The following UBALD1 variants were observed in gnomAD, a reference collection of about 807,000 sequenced individuals.
UBALD1 encodes the protein UBA-like domain-containing protein 1.
UBALD1 carries 5 observed loss-of-function variants against 16.1 expected under a neutral mutation model. The observed-to-expected ratio is 0.31, with a 90% CI of 0.16 to 0.66. The LOEUF is 0.66. Among genes scored for constraint, UBALD1 ranks in the 30% least tolerant of loss-of-function variants. UBALD1 has a pLI of 0.77. For synonymous variants in UBALD1, 146 were observed against 105.3 expected (o/e 1.39, Z -2.37); for missense variants, 220 against 252.8 (o/e 0.87, Z 0.88).
At chr16:4,611,250 G>A (rs771710329) in intron 1 of UBALD1, 1 of 152,638 alleles carries the variant, frequency 6.6e-6, no homozygotes, top group Non-Finnish European at 1.5e-5. Context: ...CTGGCACCAA[G>A]GAGACAAGCC....
chr16:4,612,828 C>A (rs968909742), intron 1 of UBALD1, among the ~76,000 whole-genome samples: 1 of 152,116 alleles, frequency 6.6e-6, no homozygotes, highest in Non-Finnish European at 1.5e-5. Context: ...CTGGCGGCCC[C>A]CACTTTACAG....
intron 1 of UBALD1, among the ~76,000 whole-genome samples, chr16:4,613,383 G>C (rs1203064738): frequency 6.6e-6 from 1 of 152,200 alleles, no homozygotes; most frequent in Non-Finnish European, 1.5e-5. Context: ...CACAGGATCA[G>C]TGGCCTCCGC....
At chr16:4,610,577 C>G in intron 1 of UBALD1, 22 bp from the exon 2 acceptor site, 7 of 1,601,756 alleles carry the variant, frequency 4.4e-6, no homozygotes, top group Non-Finnish European at 6.0e-6. Flanking sequence ...AAGGCCCCTG[C>G]TCACCCTCCA....
rs1555442486 is a variant in UBALD1 at position 4,614,835 on chromosome 16, G to T, written c.-38C>A. 1 of 1,457,728 alleles carries T rather than the reference G, an allele frequency of 6.9e-7. No individual in the cohort carries two copies. The highest frequency in any genetic ancestry group is 9.1e-7 in the Non-Finnish European group (1 of 1,104,056). The allele number at this position is 1,457,728 out of a possible 1,614,324, so 90.3% of individuals were successfully genotyped here. On this transcript the variant is annotated 5_prime_UTR_variant, in exon 1 of 3. Coordinates refer to ENST00000283474, the MANE Select transcript of UBALD1 (RefSeq NM_145253.3). ...CTGCCCGCTCCGGCCTCCCTCCTCC[G>T]CCCGCGCCTCCGCCTCACGCGTCCA...
intron 1 of UBALD1, chr16:4,610,908 C>T (rs542732761): frequency 2.1e-5 from 9 of 419,440 alleles, no homozygotes; most frequent in Admixed American, 4.1e-5. Context: ...GAAAGGCGCC[C>T]GGCCCCAGGT....
chr16:4,610,313 G>C (rs760690161), intron 2 of UBALD1, 180 bp downstream of exon 2: 2 of 730,196 alleles, frequency 2.7e-6, no homozygotes, highest in Middle Eastern at 2.3e-4. Context: ...GGGGGAGCTG[G>C]CACAGGCAAG....
chr16:4,609,535 A>G lies in UBALD1; in HGVS notation c.*98T>C, dbSNP rs1434980446. 2.0e-6 allele frequency: 1 copy of G among 509,986 alleles called. No homozygotes were observed. Among genetic ancestry groups the G allele is most frequent in the Non-Finnish European group, 3.2e-6 (1 of 316,874 alleles). The allele number at this position is 509,986 out of a possible 1,614,324, so 31.6% of individuals were successfully genotyped here. A position where few individuals can be genotyped will look rare whatever the true frequency, so the allele number is the denominator to read the frequency against. On this transcript the variant is annotated 3_prime_UTR_variant, in exon 3 of 3. Coordinates refer to ENST00000283474, the MANE Select transcript of UBALD1 (RefSeq NM_145253.3). ...TCTCCCCTCCAGGGCTCCGGGGAAC[A>G]AGGGGTGCAGACAGAAAAGGGGTGA...
intron 1 of UBALD1, chr16:4,610,979 CCTCAACGGGTAGCAAGT>C (rs895964546): frequency 5.3e-6 from 2 of 377,168 alleles, no homozygotes; most frequent in Non-Finnish European, 9.4e-6. Context: ...GCTGTTACCA[CCTCAACGGGTAGCAAGT>C]CTCTACTCTT....
chr16:4,610,123 C>T (rs1267208507), intron 2 of UBALD1, 140 bp from the exon 3 acceptor site: 4 of 777,666 alleles, frequency 5.1e-6, no homozygotes, highest in Non-Finnish European at 8.8e-6. Context: ...CTGTCCGCCG[C>T]CCAGGGGTTC....
intron 2 of UBALD1, chr16:4,610,201 C>T (rs764572347): frequency 2.1e-5 from 15 of 711,950 alleles, no homozygotes; most frequent in Admixed American, 6.0e-5. Flanking sequence ...CCTGGGGCCA[C>T]GAGGCTTTCC....
Position 4,610,521 on chromosome 16 carries a change from A to C in UBALD1, c.155T>G (p.Ile52Ser). The change falls in exon 2 of 3, where the codon ATC becomes AGC. Residue 52 changes from isoleucine (I) to serine (S), a missense_variant. By Grantham distance (142) the Ile-to-Ser change is moderately radical. This residue lies in a region of UBALD1 where 69 missense variants were observed against 120.3 expected (regional missense o/e 0.57). Transcript: ENST00000283474. ...ALSAFFQETN[I>S]PYSHHHHQMM... is the part of the protein sequence containing the mutation. ...CTGGTGGTGATGGTGGCTGTAGGGG[A>C]TGTTGGTCTCCTGGAAAAAGGCGCT... The C allele has an allele frequency of 6.2e-7, 1 of 1,612,190 alleles. No homozygotes were observed. The highest frequency in any genetic ancestry group is 8.5e-7 in the Non-Finnish European group (1 of 1,179,162).
At chr16:4,610,800 C>G (rs2141784115) in intron 1 of UBALD1, 1 of 526,856 alleles carries the variant, frequency 1.9e-6, no homozygotes, top group Non-Finnish European at 3.4e-6. Context: ...CTGCTCGCCA[C>G]CTGCCTCAGT....
rs780400582 is a variant in UBALD1 at position 4,609,715 on chromosome 16, G to A, written c.452C>T (p.Pro151Leu). ...GGCCAGGGGTGGCCAGTCTGAAGCC[G>A]GAGAAGGGGGTGTTGGAGTCCACAG... The part of the protein sequence containing the change: ...PPLWTPTPPS[P>L]ASDWPPLAPQ... Residue 151 changes from proline (P) to leucine (L), a missense_variant, in exon 3 of 3, where the codon CCG (proline) becomes CTG (leucine). Pro to Leu is a moderately conservative substitution (Grantham distance 98). This residue lies in a region of UBALD1 where 151 missense variants were observed against 132.6 expected (regional missense o/e 1.14). Transcript: ENST00000283474. 1.8e-5 allele frequency: 27 copies of A among 1,478,368 alleles called. No individual in the cohort carries two copies. Among genetic ancestry groups the A allele is most frequent in the East Asian group, 4.9e-5 (2 of 40,452 alleles). The allele number at this position is 1,478,368 out of a possible 1,614,324, so 91.6% of individuals were successfully genotyped here.
intron 2 of UBALD1, chr16:4,610,261 A>T (rs1259039395): frequency 1.4e-6 from 1 of 713,556 alleles, no homozygotes; most frequent in Non-Finnish European, 2.5e-6. Flanking sequence ...CTGTAGGGTA[A>T]GGAGCTTCAT....
chr16:4,614,441 A>G, intron 1 of UBALD1: 4 of 509,674 alleles, frequency 7.8e-6, no homozygotes, highest in South Asian at 4.6e-5. Context: ...ATCCCGGGGG[A>G]CTCGCGGCCC....
In UBALD1 at chr16:4,609,567, C is replaced by A. The variant is rs1167525763; in HGVS notation, c.*66G>T. The A allele has an allele frequency of 1.3e-5, 9 of 678,732 alleles. No homozygotes were observed. The highest frequency in any genetic ancestry group is 1.9e-5 in the African/African-American group (1 of 53,868). The allele number at this position is 678,732 out of a possible 1,614,324, so 42.0% of individuals were successfully genotyped here. ...GCAGACAGAAAAGGGGTGAAGGGGG[C>A]CCGCAGAGACGTCCTCTCCCCCGCC... On this transcript the variant is annotated 3_prime_UTR_variant, in exon 3 of 3. Coordinates refer to ENST00000283474, the MANE Select transcript of UBALD1 (RefSeq NM_145253.3).
Position 4,609,852 on chromosome 16 carries a change from C to T in UBALD1, c.315G>A (p.Thr105=), listed in dbSNP as rs768473651. ...CATGGGGGAAGTGTGGCGGGGGTGA[C>T]GTGGCTGTCGCGGCCATCGGGCTGC... ...GSGSPMAATA[T]SPPPHFPHAA... The change falls in exon 3 of 3, where the codon ACG becomes ACA. Residue 105 remains threonine (T), a synonymous_variant. Transcript: ENST00000283474. The T allele has an allele frequency of 1.2e-4, 188 of 1,511,572 alleles. No individual in the cohort carries two copies. The highest frequency in any genetic ancestry group is 1.6e-4 in the Non-Finnish European group (180 of 1,129,530). 93.6% of individuals were successfully genotyped at this position (1,511,572 alleles called of 1,614,324 possible).
At chr16:4,612,088 C>T (rs867982240) in intron 1 of UBALD1, among the ~76,000 whole-genome samples, 1 of 137,698 alleles carries the variant, frequency 7.3e-6, no homozygotes, top group Non-Finnish European at 1.5e-5. Context: ...TTTTTTGAGA[C>T]GGAGTCTCGC....
chr16:4,611,872 G>A (rs1056233508), intron 1 of UBALD1, among the ~76,000 whole-genome samples: 5 of 152,026 alleles, frequency 3.3e-5, no homozygotes, highest in African/African-American at 1.2e-4. Flanking sequence ...AGGGGTTCTC[G>A]GGGCCCTGCC....
Sources: allele counts gnomAD v4.1 joint callset (sites outside exome capture counted in the v4.1 genomes callset), GRCh38; gene constraint gnomAD v4.1.1; regional missense constraint gnomAD v4.1.1; transcripts MANE v1.5; gene names NCBI Gene and HGNC (gene_info 2026-07-23, HGNC 2026-07-21).